Variants in POU6F2 observed in about 807,000 individuals in gnomAD.
POU6F2 encodes the protein POU class 6 homeobox 2.
Under a neutral mutation model 71.3 loss-of-function variants are expected in POU6F2, and 31 were observed. The observed-to-expected ratio is 0.43, with a 90% CI of 0.33 to 0.59. The LOEUF is 0.59. Ranked by LOEUF, POU6F2 falls within the 20% of genes least tolerant of loss-of-function variation. The pLI, the probability that POU6F2 is intolerant of heterozygous loss-of-function variation, is 0.04. For synonymous variants in POU6F2, 347 were observed against 355.7 expected (o/e 0.98, Z 0.27); for missense variants, 783 against 856.8 (o/e 0.91, Z 1.07).
chr7:38,990,911 C>T (rs745643975), intron 1 of POU6F2, among the ~76,000 whole-genome samples: 2 of 151,908 alleles, frequency 1.3e-5, no homozygotes, highest in African/African-American at 2.4e-5. Context: ...GACAAGGATA[C>T]GAGTTGGAGA....
intron 1 of POU6F2, among the ~76,000 whole-genome samples, chr7:39,054,847 T>G (rs1297104631): frequency 1.3e-5 from 2 of 149,954 alleles, no homozygotes; most frequent in Non-Finnish European, 3.0e-5. Context: ...TCAATGAGTA[T>G]GAATACGTGT....
chr7:39,426,883 C>T (rs1240356352), intron 6 of POU6F2, among the ~76,000 whole-genome samples: 2 of 152,166 alleles, frequency 1.3e-5, no homozygotes, highest in Non-Finnish European at 2.9e-5. Context: ...AAATCCAGCA[C>T]ATAGTCTAGT....
At chr7:39,368,695 T>G (rs1786553111) in intron 5 of POU6F2, among the ~76,000 whole-genome samples, 1 of 152,208 alleles carries the variant, frequency 6.6e-6, no homozygotes, top group Non-Finnish European at 1.5e-5. Flanking sequence ...TAGGGGCTAA[T>G]GAAGCTGATG....
At chr7:39,384,335 C>T (rs1369523221) in intron 5 of POU6F2, among the ~76,000 whole-genome samples, 2 of 152,082 alleles carry the variant, frequency 1.3e-5, no homozygotes, top group East Asian at 1.9e-4. Context: ...GACAGATGAC[C>T]GTTAAAAACT....
intron 1 of POU6F2, chr7:39,013,542 T>A (rs1789387817): frequency 6.5e-6 from 1 of 153,302 alleles, no homozygotes; most frequent in African/African-American, 2.4e-5. Flanking sequence ...GCGGCCATCT[T>A]GGCTCCTCCC....
At chr7:39,165,663 A>T (rs1793098938) in intron 2 of POU6F2, among the ~76,000 whole-genome samples, 1 of 152,198 alleles carries the variant, frequency 6.6e-6, no homozygotes, top group African/African-American at 2.4e-5. Flanking sequence ...TATTTGACAT[A>T]AAAGTTTTCC....
At chr7:39,024,472 C>G (rs916279340) in intron 1 of POU6F2, among the ~76,000 whole-genome samples, 16 of 152,078 alleles carry the variant, frequency 1.1e-4, no homozygotes, top group South Asian at 8.3e-4. Flanking sequence ...TTGACTTCCT[C>G]TTTTCCTAAT....
chr7:39,299,304 C>A (rs1249375591), intron 4 of POU6F2, among the ~76,000 whole-genome samples: 1 of 152,146 alleles, frequency 6.6e-6, no homozygotes, highest in Non-Finnish European at 1.5e-5. Flanking sequence ...TTTTCTTCAT[C>A]TTTTTTGAAT....
At chr7:39,234,860 A>G (rs1049008249) in intron 4 of POU6F2, among the ~76,000 whole-genome samples, 1 of 152,218 alleles carries the variant, frequency 6.6e-6, no homozygotes, top group African/African-American at 2.4e-5. Flanking sequence ...AAAACTATCC[A>G]GATAGGGCAT....
Position 39,275,747 on chromosome 7 carries a change from G to A in POU6F2, c.599-63895G>A, listed in dbSNP as rs867867562. On this transcript the variant is annotated intron_variant, in intron 4 of 9. Transcript: ENST00000518318. Reference sequence around the variant, plus strand: ...GAACAGAGCCCTCAGAAATAACGCCGCATATCTACAACTATCTGATCTTTG... The same window carrying A: ...GAACAGAGCCCTCAGAAATAACGCCACATATCTACAACTATCTGATCTTTG... Among the ~76,000 whole-genome samples, 106 of 151,786 alleles carry A rather than the reference G, an allele frequency of 7.0e-4. 1 individual carries two copies. The highest frequency in any genetic ancestry group is 2.4e-3 in the African/African-American group (100 of 41,382).
intron 5 of POU6F2, among the ~76,000 whole-genome samples, chr7:39,349,425 C>T (rs541891676): frequency 1.3e-5 from 2 of 152,244 alleles, no homozygotes; most frequent in Non-Finnish European, 2.9e-5. Context: ...GACCACGTAG[C>T]CCCTGCAGAC....
chr7:39,152,724 G>C (rs557061959), intron 2 of POU6F2, among the ~76,000 whole-genome samples: 16 of 152,260 alleles, frequency 1.1e-4, no homozygotes, highest in Non-Finnish European at 2.2e-4. Context: ...TTTAATTTCA[G>C]AGTTTGATTC....
chr7:39,274,022 C>A (rs1432116141), intron 4 of POU6F2, among the ~76,000 whole-genome samples: 4 of 152,092 alleles, frequency 2.6e-5, no homozygotes, highest in Non-Finnish European at 2.9e-5. Context: ...ATAATGTAAA[C>A]TAACAGTTGT....
intron 1 of POU6F2, among the ~76,000 whole-genome samples, chr7:39,048,289 C>A (rs1247496037): frequency 6.6e-6 from 1 of 151,326 alleles, no homozygotes; most frequent in Non-Finnish European, 1.5e-5. Context: ...GTTTGGTGTT[C>A]AGATTATTTC....
At chr7:38,988,312 T>G (rs897736382) in intron 1 of POU6F2, among the ~76,000 whole-genome samples, 4 of 152,110 alleles carry the variant, frequency 2.6e-5, no homozygotes, top group African/African-American at 9.7e-5. Context: ...CTGGTTCTAT[T>G]TATCTGGGTG....
intron 4 of POU6F2, among the ~76,000 whole-genome samples, chr7:39,228,381 G>T (rs921716095): frequency 1.3e-5 from 2 of 152,132 alleles, no homozygotes; most frequent in African/African-American, 4.8e-5. Context: ...TTGTTTTCTT[G>T]AAGTAGAAAG....
At chr7:39,334,050 T>C (rs1450810093) in intron 4 of POU6F2, among the ~76,000 whole-genome samples, 1 of 152,196 alleles carries the variant, frequency 6.6e-6, no homozygotes, top group African/African-American at 2.4e-5. Context: ...GCTCAGACAA[T>C]ACAAGGAAAT....
At chr7:39,445,508 T>C (rs1027049880) in intron 7 of POU6F2, among the ~76,000 whole-genome samples, 8 of 152,208 alleles carry the variant, frequency 5.3e-5, no homozygotes, top group African/African-American at 1.9e-4. Flanking sequence ...TCTGGCAAGC[T>C]CCTGCTCATC....
chr7:39,394,455 T>C (rs553795538), intron 5 of POU6F2, among the ~76,000 whole-genome samples: 1 of 152,302 alleles, frequency 6.6e-6, no homozygotes, highest in East Asian at 1.9e-4. Context: ...GGTGTTTTCA[T>C]AACAACAGCC....
Sources: allele counts gnomAD v4.1 joint callset (sites outside exome capture counted in the v4.1 genomes callset), GRCh38; gene constraint gnomAD v4.1.1; transcripts MANE v1.5; gene names NCBI Gene and HGNC (gene_info 2026-07-23, HGNC 2026-07-21).